Variants in ADSS1 observed in about 807,000 individuals in gnomAD.
The protein encoded by ADSS1 is adenylosuccinate synthase 1, also known as adenylosuccinate synthetase isozyme 1.
Under a neutral mutation model 59.1 loss-of-function variants are expected in ADSS1, and 57 were observed. The ratio of observed to expected loss-of-function variants is 0.97; its 90% CI spans 0.78 to 1.20. The LOEUF (loss-of-function observed/expected upper bound fraction) is 1.20. ADSS1 is among the 50% of genes most tolerant of loss of function. ADSS1 has a pLI of 0.00. For missense variants in ADSS1, 603 were observed against 610.3 expected (o/e 0.99, Z 0.13); for synonymous variants, 247 against 249.4 (o/e 0.99, Z 0.09).
chr14:104,724,283 C>G lies in ADSS1; in HGVS notation c.13C>G (p.Arg5Gly). MSGT[R>G]ASNDRPPGAG... ...GAGCCAAGCCAGCATGTCGGGGACC[C>G]GAGCCTCCAACGACCGGCCCCCCGG... The change falls in exon 1 of 13, where the codon CGA becomes GGA. Residue 5 changes from arginine to glycine, a missense_variant. Arg to Gly is a moderately radical substitution (Grantham distance 125). Coordinates refer to ENST00000330877, the MANE Select transcript of ADSS1 (RefSeq NM_152328.5). The G allele has an allele frequency of 8.1e-7, 1 of 1,230,686 alleles. No homozygotes were observed. The allele number at this position is 1,230,686 out of a possible 1,614,324, so 76.2% of individuals were successfully genotyped here.
chr14:104,741,059 G>A (rs1891329081), intron 7 of ADSS1, 58 bp from the exon 8 acceptor site: 9 of 1,583,426 alleles, frequency 5.7e-6, no homozygotes, highest in South Asian at 3.5e-5. Context: ...TTCTTGGGAC[G>A]CAGGCCTCCC....
In ADSS1 at chr14:104,738,288, G is replaced by A. The variant is rs978500518; in HGVS notation, c.296-88G>A. 3.9e-5 allele frequency: 55 copies of A among 1,414,038 alleles called. No homozygotes were observed. The African/African-American group carries it at 4.4e-4, about 11-fold the overall frequency. The allele number at this position is 1,414,038 out of a possible 1,614,324, so 87.6% of individuals were successfully genotyped here. On this transcript the variant is annotated intron_variant, in intron 2 of 12. Transcript: ENST00000330877. ...GCTAGGATTACAGGCATGAGCCACC[G>A]CACCCACCCATTTCATGCTGTTCTT...
rs1891331721 is a variant in ADSS1 at position 104,741,110 on chromosome 14, CTTGCAGGGCT to C, written c.667-2_674del. 1 of 1,594,778 alleles carries C rather than the reference CTTGCAGGGCT, an allele frequency of 6.3e-7. No individual in the cohort carries two copies. The highest frequency in any genetic ancestry group is 8.6e-7 in the Non-Finnish European group (1 of 1,168,320). ...GGCTCACTCTGCTGCTTGGCCCTTC[CTTGCAGGGCT>C]TTGCTGAGCGGATCAGACCCATGGT... On this transcript the variant is annotated splice_acceptor_variant and splice_polypyrimidine_tract_variant and coding_sequence_variant and intron_variant, in exon 8 of 13. Coordinates refer to ENST00000330877, the MANE Select transcript of ADSS1 (RefSeq NM_152328.5). LOFTEE classifies it high-confidence loss of function.
chr14:104,740,809 AG>A lies in ADSS1; in HGVS notation c.585-25del. Reference sequence around the variant, plus strand: ...CCTGAGGACCAGCATGGACCATGACAGGGGGTGATGATGACTGTCCCTTGTG... The same window carrying A: ...CCTGAGGACCAGCATGGACCATGACAGGGGTGATGATGACTGTCCCTTGTG... On this transcript the variant is annotated intron_variant, in intron 6 of 12. Transcript: ENST00000330877. The surrounding 1 kb of genome is among the most constrained non-coding windows in gnomAD (Gnocchi z 4.8). 4 of 1,595,084 alleles carry A rather than the reference AG, an allele frequency of 2.5e-6. No homozygotes were observed. The highest frequency in any genetic ancestry group is 1.1e-5 in the South Asian group (1 of 90,784).
At chr14:104,727,763 CT>C (rs1428662937) in intron 1 of ADSS1, among the ~76,000 whole-genome samples, 2 of 152,194 alleles carry the variant, frequency 1.3e-5, no homozygotes, top group African/African-American at 4.8e-5. Flanking sequence ...CCTTCACCCC[CT>C]AGTTCCTCCT....
intron 2 of ADSS1, among the ~76,000 whole-genome samples, chr14:104,735,941 C>G (rs1190547297): frequency 1.3e-5 from 2 of 152,226 alleles, no homozygotes; most frequent in Non-Finnish European, 2.9e-5. Context: ...CAGACTTCAG[C>G]AAGGCCATCC....
chr14:104,732,587 G>A (rs1320995413), intron 1 of ADSS1, among the ~76,000 whole-genome samples: 1 of 152,244 alleles, frequency 6.6e-6, no homozygotes, highest in East Asian at 1.9e-4. Context: ...CTAGGAGCCT[G>A]TGTTTGCCCC....
chr14:104,746,239 A>T lies in ADSS1; in HGVS notation c.1175A>T (p.Asn392Ile), dbSNP rs766592002. Residue 392 changes from asparagine (N) to isoleucine (I), a missense_variant, in exon 12 of 13, where the codon AAC becomes ATC. Asn to Ile is a moderately radical substitution (Grantham distance 149). Coordinates refer to ENST00000330877, the MANE Select transcript of ADSS1 (RefSeq NM_152328.5). ...NGKRIPYFPANQEMLQKVEVE... is the reference protein window; with the variant it reads ...NGKRIPYFPAIQEMLQKVEVE... ...ATCTCCTGTGTGCTTCCCCCAGCTA[A>T]CCAGGAGATGCTTCAGAAGGTCGAA... 3.1e-6 allele frequency: 5 copies of T among 1,607,652 alleles called. No homozygotes were observed. Among genetic ancestry groups the T allele is most frequent in the Non-Finnish European group, 4.3e-6 (5 of 1,175,156 alleles).
chr14:104,741,960 C>T lies in ADSS1; in HGVS notation c.906C>T (p.Thr302=). The change falls in exon 9 of 13, where the codon ACC becomes ACT. Residue 302 remains threonine (T), a synonymous_variant. Transcript: ENST00000330877. ...GDVYGVVKAY[T]TRVGIGAFPT... ...TGTATGGCGTGGTGAAAGCCTATAC[C>T]ACACGTGTGGGCATCGGGGCCTTCC... The T allele has an allele frequency of 6.2e-7, 1 of 1,613,344 alleles. No homozygotes were observed. Among genetic ancestry groups the T allele is most frequent in the African/African-American group, 1.3e-5 (1 of 75,058 alleles).
At chr14:104,741,445 G>A (rs547220039) in intron 8 of ADSS1, among the ~76,000 whole-genome samples, 1 of 152,208 alleles carries the variant, frequency 6.6e-6, no homozygotes, top group Non-Finnish European at 1.5e-5. Context: ...GAAAGGGCTG[G>A]GCTAGAGATG....
At chr14:104,742,077 G>GAGCCTCCACCCTGGCAC in intron 9 of ADSS1, 75 bp downstream of exon 9, 1 of 1,566,952 alleles carries the variant, frequency 6.4e-7, no homozygotes, top group Non-Finnish European at 8.7e-7. Context: ...GGGGTGAGCA[G>GAGCCTCCACCCTGGCAC]TGCCAGGGTG....
intron 1 of ADSS1, among the ~76,000 whole-genome samples, chr14:104,733,263 C>G (rs1341423026): frequency 1.3e-5 from 2 of 152,244 alleles, no homozygotes; most frequent in African/African-American, 4.8e-5. Flanking sequence ...CCTATAAGGA[C>G]TGGGCCCAGC....
chr14:104,734,926 C>A (rs1891060927), intron 1 of ADSS1, 94 bp from the exon 2 acceptor site: 2 of 1,078,130 alleles, frequency 1.9e-6, no homozygotes, highest in Non-Finnish European at 2.8e-6. Flanking sequence ...CAGCAGTGCC[C>A]TGCAGGGACA....
rs138449071 is a variant in ADSS1, at chr14:104,741,218, C to A, written c.768C>A (p.Asn256Lys). Reference sequence around the variant, plus strand: ...AGAAGATCCTGGTGGAGGGTGCCAACGCCGCCCTCCTCGACATTGACTTCG... The same window carrying A: ...AGAAGATCCTGGTGGAGGGTGCCAAAGCCGCCCTCCTCGACATTGACTTCG... ...PPKKILVEGANAALLDIDFGT... is the reference protein window; with the variant it reads ...PPKKILVEGAKAALLDIDFGT... Residue 256 changes from asparagine (N) to lysine (K), a missense_variant, in exon 8 of 13, where the codon AAC (asparagine) becomes AAA (lysine). By Grantham distance (94) the Asn-to-Lys change is moderately conservative. Coordinates refer to ENST00000330877, the MANE Select transcript of ADSS1 (RefSeq NM_152328.5). 1.9e-6 allele frequency: 3 copies of A among 1,604,984 alleles called. No individual in the cohort carries two copies. Among genetic ancestry groups the A allele is most frequent in the East Asian group, 2.2e-5 (1 of 44,730 alleles).
intron 1 of ADSS1, among the ~76,000 whole-genome samples, chr14:104,733,225 G>A (rs1386200954): frequency 5.3e-5 from 8 of 152,058 alleles, no homozygotes; most frequent in African/African-American, 7.2e-5. Context: ...GCACCGCCCC[G>A]CCCAGAGCCA....
At chr14:104,731,945 C>G (rs760561505) in intron 1 of ADSS1, among the ~76,000 whole-genome samples, 5 of 152,170 alleles carry the variant, frequency 3.3e-5, no homozygotes, top group Non-Finnish European at 7.4e-5. Flanking sequence ...AGAGGGAGAC[C>G]GGTGGGGCTG....
At chr14:104,737,689 C>G (rs1467846735) in intron 2 of ADSS1, 3 of 152,330 alleles carry the variant, frequency 2.0e-5, no homozygotes, top group Non-Finnish European at 4.4e-5. Flanking sequence ...CCCAGTCTCC[C>G]TCTCCCAGCC....
In ADSS1 at chr14:104,724,253, C is replaced by A; in HGVS notation, c.-18C>A. 1 of 1,225,444 alleles carries A rather than the reference C, an allele frequency of 8.2e-7. No individual in the cohort carries two copies. Among genetic ancestry groups the A allele is most frequent in the Middle Eastern group, 3.2e-4 (1 of 3,172 alleles). The allele number at this position is 1,225,444 out of a possible 1,614,324, so 75.9% of individuals were successfully genotyped here. ...CGGGCTCCTGGCCGGGCCAGCGCAG[C>A]GGAAGAGCCAAGCCAGCATGTCGGG... On this transcript the variant is annotated 5_prime_UTR_variant, in exon 1 of 13. Coordinates refer to ENST00000330877, the MANE Select transcript of ADSS1 (RefSeq NM_152328.5).
chr14:104,730,227 C>T lies in ADSS1; in HGVS notation c.193-4793C>T, dbSNP rs907375235. Reference sequence around the variant, plus strand: ...GGAGGGGAGCGGGTGGGTGCGGTGGCGTACATCTGTAACTCCAGCACTTTG... The same window carrying T: ...GGAGGGGAGCGGGTGGGTGCGGTGGTGTACATCTGTAACTCCAGCACTTTG... On this transcript the variant is annotated intron_variant, in intron 1 of 12. Transcript: ENST00000330877. 10 of 1,483,808 alleles carry T rather than the reference C, an allele frequency of 6.7e-6. No individual in the cohort carries two copies. The South Asian group carries it at 7.9e-5, about 12-fold the overall frequency. 91.9% of individuals were successfully genotyped at this position (1,483,808 alleles called of 1,614,324 possible).
Sources: allele counts gnomAD v4.1 joint callset (sites outside exome capture counted in the v4.1 genomes callset), GRCh38; gene constraint gnomAD v4.1.1; non-coding constraint Gnocchi (gnomAD v3.1); transcripts MANE v1.5; gene names NCBI Gene and HGNC (gene_info 2026-07-23, HGNC 2026-07-21).